SNX29: variants seen among roughly 807,000 people sequenced by gnomAD.
SNX29 encodes the protein sorting nexin 29, also known as sorting nexin-29.
A neutral mutation model predicts 102.1 loss-of-function variants in SNX29; 78 were observed. The observed-to-expected ratio is 0.76, with a 90% CI of 0.64 to 0.92. SNX29 has a LOEUF of 0.92. Among genes scored for constraint, SNX29 ranks in the 40% least tolerant of loss-of-function variants. The probability of loss-of-function intolerance (pLI) is 0.00; values close to 1 mark genes in which losing one functional copy is unlikely to be tolerated. For synonymous variants in SNX29, 580 were observed against 414.5 expected (o/e 1.40, Z -4.85); for missense variants, 1,280 against 1,061.7 (o/e 1.21, Z -2.86).
At chr16:12,107,100 G>A (rs1051161262) in intron 11 of SNX29, among the ~76,000 whole-genome samples, 2 of 152,164 alleles carry the variant, frequency 1.3e-5, no homozygotes, top group African/African-American at 4.8e-5. Flanking sequence ...TTCCAGGTGC[G>A]GGCCACGGCA....
intron 18 of SNX29, among the ~76,000 whole-genome samples, chr16:12,442,322 G>A (rs754219348): frequency 3.3e-5 from 5 of 152,230 alleles, no homozygotes; most frequent in Middle Eastern, 3.4e-3. Flanking sequence ...GATTACTCTG[G>A]CTTATTAGGA....
chr16:12,486,802 G>C (rs972660757), intron 19 of SNX29, among the ~76,000 whole-genome samples: 5 of 152,208 alleles, frequency 3.3e-5, no homozygotes, highest in African/African-American at 1.2e-4. Flanking sequence ...CTCCACCCTT[G>C]CTTAGGGGCC....
At chr16:12,533,695 G>A (rs534201217) in intron 20 of SNX29, among the ~76,000 whole-genome samples, 17 of 152,292 alleles carry the variant, frequency 1.1e-4, no homozygotes, top group South Asian at 1.0e-3. Flanking sequence ...TCTGTCGACT[G>A]GATGCCTTGG....
chr16:12,511,937 C>G (rs890357290), intron 19 of SNX29, among the ~76,000 whole-genome samples: 2 of 151,900 alleles, frequency 1.3e-5, no homozygotes, highest in African/African-American at 4.8e-5. Context: ...GTGGTCGGGC[C>G]GCATAGAAGC....
chr16:12,544,422 G>A (rs1021880527), intron 20 of SNX29, among the ~76,000 whole-genome samples: 10 of 152,198 alleles, frequency 6.6e-5, no homozygotes, highest in South Asian at 2.1e-4. Flanking sequence ...GTCAGCTGGT[G>A]GGATTTGGAC....
intron 14 of SNX29, among the ~76,000 whole-genome samples, chr16:12,268,469 C>T (rs1017391202): frequency 1.3e-5 from 2 of 152,214 alleles, no homozygotes; most frequent in African/African-American, 4.8e-5. Flanking sequence ...CCCTTTGCTA[C>T]AGTGAGCACT....
intron 14 of SNX29, among the ~76,000 whole-genome samples, chr16:12,240,440 A>T (rs1355382848): frequency 1.3e-5 from 2 of 151,796 alleles, no homozygotes; most frequent in Non-Finnish European, 2.9e-5. Flanking sequence ...AGGACTATTG[A>T]CCATTTGTTG....
chr16:12,221,625 CA>C (rs969260850), intron 14 of SNX29, among the ~76,000 whole-genome samples: 16 of 151,846 alleles, frequency 1.1e-4, no homozygotes, highest in African/African-American at 2.9e-4. Context: ...AATGAACAAA[CA>C]AAAAAAGGAT....
intron 15 of SNX29, among the ~76,000 whole-genome samples, chr16:12,282,494 C>A (rs1304614058): frequency 6.6e-6 from 1 of 152,136 alleles, no homozygotes; most frequent in Non-Finnish European, 1.5e-5. Context: ...TCTTCATTGC[C>A]CAACCCATCT....
intron 20 of SNX29, among the ~76,000 whole-genome samples, chr16:12,539,390 C>T (rs756579897): frequency 6.6e-6 from 1 of 152,054 alleles, no homozygotes; most frequent in Non-Finnish European, 1.5e-5. Flanking sequence ...CGTCTTTCAG[C>T]ATGTGTGAGA....
At chr16:12,217,555 C>T (rs1047797231) in intron 14 of SNX29, among the ~76,000 whole-genome samples, 7 of 152,152 alleles carry the variant, frequency 4.6e-5, no homozygotes, top group Non-Finnish European at 7.3e-5. Flanking sequence ...GTCTGCCACC[C>T]GTAGGTGAGG....
intron 19 of SNX29, among the ~76,000 whole-genome samples, chr16:12,490,052 C>T (rs1450323928): frequency 2.6e-5 from 4 of 152,148 alleles, no homozygotes; most frequent in Admixed American, 2.6e-4. Context: ...GTGATCTGCC[C>T]ACCTCAGCCT....
intron 20 of SNX29, chr16:12,526,917 G>A: frequency 5.1e-6 from 2 of 393,108 alleles, no homozygotes; most frequent in South Asian, 5.3e-5. Flanking sequence ...GTTGCCATCA[G>A]TCAGCACGGA....
intron 10 of SNX29, among the ~76,000 whole-genome samples, chr16:12,069,501 C>T (rs2151301733): frequency 6.6e-6 from 1 of 152,236 alleles, no homozygotes; most frequent in Non-Finnish European, 1.5e-5. Flanking sequence ...CTCCTGACCT[C>T]AGGTGATCTG....
At chr16:12,274,736 C>A (rs575852968) in intron 14 of SNX29, among the ~76,000 whole-genome samples, 32 of 152,232 alleles carry the variant, frequency 2.1e-4, no homozygotes, top group Admixed American at 2.1e-3. Flanking sequence ...GGGGCTTCAC[C>A]ATGTTGCCCA....
At chr16:12,099,741 T>A (rs1013004129) in intron 11 of SNX29, among the ~76,000 whole-genome samples, 1 of 152,008 alleles carries the variant, frequency 6.6e-6, no homozygotes, top group African/African-American at 2.4e-5. Context: ...TGTGGATCCC[T>A]GGGCTGAGGG....
intron 15 of SNX29, among the ~76,000 whole-genome samples, chr16:12,278,253 A>G (rs2079318504): frequency 6.6e-6 from 1 of 152,198 alleles, no homozygotes; most frequent in African/African-American, 2.4e-5. Flanking sequence ...ACTTTTTGGC[A>G]CTTATGATAA....
intron 13 of SNX29, among the ~76,000 whole-genome samples, chr16:12,163,412 C>T (rs1261220063): frequency 6.6e-6 from 1 of 152,080 alleles, no homozygotes; most frequent in African/African-American, 2.4e-5. Flanking sequence ...CTCTGCTACC[C>T]AGGGTGTTGA....
intron 14 of SNX29, among the ~76,000 whole-genome samples, chr16:12,248,832 C>T (rs1223548772): frequency 6.6e-6 from 1 of 151,928 alleles, no homozygotes; most frequent in African/African-American, 2.4e-5. Context: ...ATGCATTCAT[C>T]TTTTGGTCTG....
Sources: gnomAD v4.1 joint callset for allele counts (sites outside exome capture counted in the v4.1 genomes callset) on GRCh38, gnomAD v4.1.1 for gene constraint, MANE v1.5 for transcripts, NCBI Gene and HGNC (gene_info 2026-07-23, HGNC 2026-07-21) for gene names.